VPS13B: variants seen among roughly 807,000 people sequenced by gnomAD.
The protein encoded by VPS13B is vacuolar protein sorting 13 homolog B.
VPS13B carries 285 observed loss-of-function variants against 426.4 expected under a neutral mutation model. The observed-to-expected ratio is 0.67, with a 90% CI of 0.61 to 0.74. The LOEUF is 0.74. Ranked by LOEUF, VPS13B falls within the 30% of genes least tolerant of loss-of-function variation. The probability of loss-of-function intolerance (pLI) is 0.00; values close to 1 mark genes in which losing one functional copy is unlikely to be tolerated. For synonymous variants in VPS13B, 1,676 were observed against 1,676.4 expected, an observed-to-expected ratio of 1.00 and a Z score of 0.01; for missense variants, 4,537 against 4,782.6, an observed-to-expected ratio of 0.95 and a Z score of 1.51.
chr8:99,563,731 G>A (rs541068534), intron 31 of VPS13B, among the ~76,000 whole-genome samples: 20 of 152,226 alleles, frequency 1.3e-4, no homozygotes, highest in Non-Finnish European at 2.4e-4. Context: ...GTCATGCTTG[G>A]CACATAACAG....
At chr8:99,085,176 G>C (rs898458235) in intron 3 of VPS13B, among the ~76,000 whole-genome samples, 1 of 152,218 alleles carries the variant, frequency 6.6e-6, no homozygotes, top group Non-Finnish European at 1.5e-5. Context: ...GTTAGCTCTT[G>C]TCGTTGAATT....
At chr8:99,344,867 C>G (rs1811453282) in intron 19 of VPS13B, among the ~76,000 whole-genome samples, 1 of 151,900 alleles carries the variant, frequency 6.6e-6, no homozygotes, top group Admixed American at 6.6e-5. Flanking sequence ...TTAAAGTAGT[C>G]AGATTTATCT....
intron 23 of VPS13B, among the ~76,000 whole-genome samples, 157 bp from the exon 24 acceptor site, chr8:99,467,257 T>TACTG (rs1396946218): frequency 1.3e-5 from 2 of 152,214 alleles, no homozygotes; most frequent in South Asian, 2.1e-4. Flanking sequence ...CAGTAGCATG[T>TACTG]AAATTGTTTA....
intron 43 of VPS13B, among the ~76,000 whole-genome samples, chr8:99,802,104 C>T (rs762660342): frequency 4.6e-5 from 7 of 150,964 alleles, no homozygotes; most frequent in African/African-American, 1.2e-4. Context: ...GAGTCATGAT[C>T]GTGCCACTAC....
At chr8:99,201,350 T>C (rs1305087227) in intron 17 of VPS13B, among the ~76,000 whole-genome samples, 1 of 152,180 alleles carries the variant, frequency 6.6e-6, no homozygotes, top group Non-Finnish European at 1.5e-5. Context: ...TGATTACTAC[T>C]AAGAATTTGA....
rs555108452 is a variant in VPS13B at position 99,828,394 on chromosome 8, G to GTTTTTTTTTTTTTTTTTTTTTTTT, written c.9331-3958_9331-3935dup. On this transcript the variant is annotated intron_variant, in intron 51 of 61. Transcript: ENST00000357162. ...ATCAGAGACTAGGATTACAACCACCGTTTTTTTTTTTTTTTTTTTTTTTTT... is the reference window on the plus strand; with the variant it reads ...ATCAGAGACTAGGATTACAACCACCGTTTTTTTTTTTTTTTTTTTTTTTTTTTTTTTTTTTTTTTTTTTTTTTTT... Among the ~76,000 whole-genome samples, 24 of 17,446 alleles carry GTTTTTTTTTTTTTTTTTTTTTTTT rather than the reference G, an allele frequency of 1.4e-3. 4 individuals are homozygous for GTTTTTTTTTTTTTTTTTTTTTTTT. The highest frequency in any genetic ancestry group is 5.6e-3 in the East Asian group (3 of 532). The allele number at this position is 17,446 out of a possible 152,430, so 11.4% of individuals were successfully genotyped here.
intron 30 of VPS13B, among the ~76,000 whole-genome samples, chr8:99,533,593 G>C (rs557594829): frequency 6.6e-6 from 1 of 152,254 alleles, no homozygotes; most frequent in Admixed American, 6.5e-5. Flanking sequence ...GTTGAAAATT[G>C]AGGAATATAA....
At chr8:99,205,945 A>G (rs1814690428) in intron 17 of VPS13B, among the ~76,000 whole-genome samples, 1 of 152,224 alleles carries the variant, frequency 6.6e-6, no homozygotes, top group African/African-American at 2.4e-5. Flanking sequence ...TATAGCAAAT[A>G]TTGGAAATTT....
intron 42 of VPS13B, 145 bp downstream of exon 42, chr8:99,779,176 C>T (rs1441976460): frequency 2.3e-6 from 2 of 860,208 alleles, no homozygotes; most frequent in Non-Finnish European, 3.7e-6. Context: ...TACTTGAGGC[C>T]TTCTCTGTTT....
At chr8:99,860,076 T>C (rs932996946) in intron 57 of VPS13B, among the ~76,000 whole-genome samples, 9 of 152,176 alleles carry the variant, frequency 5.9e-5, no homozygotes, top group Non-Finnish European at 1.2e-4. Context: ...TGGCAGAGAC[T>C]TGGGAACTAA....
intron 3 of VPS13B, among the ~76,000 whole-genome samples, chr8:99,058,909 T>C (rs1438343438): frequency 6.6e-6 from 1 of 152,222 alleles, no homozygotes; most frequent in Non-Finnish European, 1.5e-5. Flanking sequence ...GCTCATCATA[T>C]GCTAACATTA....
At position 99,642,179 on chromosome 8, in the gene VPS13B, C is replaced by T; in HGVS notation, c.5589C>T (p.Asn1863=). The T allele has an allele frequency of 3.7e-6, 6 of 1,614,098 alleles. No homozygotes were observed. Among genetic ancestry groups the T allele is most frequent in the Non-Finnish European group, 5.1e-6 (6 of 1,180,008 alleles). The change falls in exon 34 of 62, where the codon AAC becomes AAT. Residue 1863 remains asparagine, a synonymous_variant. Transcript: ENST00000357162. ...PEVDSDVAKP[N]QACISTVTAE... The stretch of plus-strand genomic sequence containing the variant: ...TTGATTCAGATGTTGCTAAGCCCAA[C>T]CAGGCATGTATTTCCACGGTGACAG...
intron 33 of VPS13B, among the ~76,000 whole-genome samples, chr8:99,631,389 G>C (rs1308865492): frequency 6.6e-6 from 1 of 152,040 alleles, no homozygotes; most frequent in Non-Finnish European, 1.5e-5. Flanking sequence ...TTAATGGTTT[G>C]GCTTGTGGGA....
At chr8:99,802,982 G>A (rs1422997855) in intron 43 of VPS13B, among the ~76,000 whole-genome samples, 1 of 152,162 alleles carries the variant, frequency 6.6e-6, no homozygotes, top group African/African-American at 2.4e-5. Context: ...TTAGCCCAGT[G>A]CTTGACACAT....
At chr8:99,631,996 T>C (rs1828867898) in intron 33 of VPS13B, among the ~76,000 whole-genome samples, 1 of 151,998 alleles carries the variant, frequency 6.6e-6, no homozygotes, top group African/African-American at 2.4e-5. Context: ...ACAATATTAT[T>C]TGGTAATATT....
At chr8:99,697,033 T>G in intron 35 of VPS13B, 1 of 570,808 alleles carries the variant, frequency 1.8e-6, no homozygotes, top group Non-Finnish European at 3.3e-6. Context: ...TGAAGCAGTG[T>G]CTGGACCTGC....
At chr8:99,428,048 A>G (rs1202676268) in intron 21 of VPS13B, among the ~76,000 whole-genome samples, 1 of 152,238 alleles carries the variant, frequency 6.6e-6, no homozygotes, top group African/African-American at 2.4e-5. Context: ...ACAATTCCCC[A>G]TTTAATAAAT....
intron 19 of VPS13B, among the ~76,000 whole-genome samples, chr8:99,373,246 G>T (rs1262592346): frequency 6.6e-6 from 1 of 151,798 alleles, no homozygotes; most frequent in African/African-American, 2.4e-5. Flanking sequence ...GGGTTGATAG[G>T]TGCAGCAGAC....
intron 19 of VPS13B, among the ~76,000 whole-genome samples, chr8:99,336,245 G>C (rs1022103909): frequency 2.6e-5 from 4 of 151,916 alleles, no homozygotes; most frequent in Non-Finnish European, 4.4e-5. Context: ...ACAAACCTGA[G>C]AAAAACAAGC....
Sources: gnomAD v4.1 joint callset for allele counts (sites outside exome capture counted in the v4.1 genomes callset) on GRCh38, gnomAD v4.1.1 for gene constraint, MANE v1.5 for transcripts, NCBI Gene and HGNC (gene_info 2026-07-23, HGNC 2026-07-21) for gene names.